The following CADM2 variants were observed in gnomAD, a reference collection of about 807,000 sequenced individuals.
CADM2 encodes cell adhesion molecule 2.
A neutral mutation model predicts 49.8 loss-of-function variants in CADM2; 12 were observed. The observed-to-expected ratio is 0.24, with a 90% confidence interval of 0.15 to 0.39. CADM2 has a LOEUF of 0.39. Among genes scored for constraint, CADM2 ranks in the 10% least tolerant of loss-of-function variants. The pLI, the probability that CADM2 is intolerant of heterozygous loss-of-function variation, is 1.00. For synonymous variants in CADM2, 214 were observed against 175.4 expected (o/e 1.22, Z -1.74); for missense variants, 378 against 492.3 (o/e 0.77, Z 2.20).
At chr3:85,437,504 T>G (rs1191810582) in intron 1 of CADM2, among the ~76,000 whole-genome samples, 1 of 152,140 alleles carries the variant, frequency 6.6e-6, no homozygotes, top group African/African-American at 2.4e-5. Context: ...CATATTCTTA[T>G]CAGCATTTTG....
At chr3:85,955,847 A>G (rs1723991137) in intron 7 of CADM2, among the ~76,000 whole-genome samples, 1 of 151,624 alleles carries the variant, frequency 6.6e-6, no homozygotes, top group Non-Finnish European at 1.5e-5. Context: ...ATTGAAAACA[A>G]CTTCATCAAT....
At chr3:85,815,109 C>G (rs922471335) in intron 3 of CADM2, among the ~76,000 whole-genome samples, 2 of 151,964 alleles carry the variant, frequency 1.3e-5, no homozygotes, top group African/African-American at 4.8e-5. Flanking sequence ...AATGGATAGC[C>G]TACAAACTGA....
At chr3:85,802,733 C>T (rs2072129307) in intron 3 of CADM2, among the ~76,000 whole-genome samples, 4 of 152,072 alleles carry the variant, frequency 2.6e-5, no homozygotes, top group African/African-American at 9.7e-5. Context: ...AATTGGACTT[C>T]ATTAACTAAT....
intron 1 of CADM2, among the ~76,000 whole-genome samples, chr3:85,571,904 C>T (rs2062490737): frequency 6.6e-6 from 1 of 152,154 alleles, no homozygotes; most frequent in Non-Finnish European, 1.5e-5. Flanking sequence ...TCATGGTATA[C>T]AATGTGCTTT....
rs562323138 is a variant in CADM2, at chr3:85,276,620, T to A, written c.61+316952T>A. On this transcript the variant is annotated intron_variant, in intron 1 of 9. Transcript: ENST00000383699. The stretch of plus-strand genomic sequence containing the variant: ...ACTAAAAATCACGATACTATTAGGC[T>A]AATGTAAATGTAAGTAATATAAATG... Among the ~76,000 whole-genome samples the A allele has an allele frequency of 4.2e-4, 64 of 151,354 alleles. No individual in the cohort carries two copies. The South Asian group carries it at 0.013, about 31-fold the overall frequency.
At chr3:85,530,223 G>A (rs965146642) in intron 1 of CADM2, among the ~76,000 whole-genome samples, 3 of 151,308 alleles carry the variant, frequency 2.0e-5, no homozygotes, top group Non-Finnish European at 4.4e-5. Flanking sequence ...CGCCACATAA[G>A]ACATGTCTCT....
At position 85,582,989 on chromosome 3, in the gene CADM2, G is replaced by A. The variant is rs1022633276; in HGVS notation, c.62-143533G>A. 2.0e-5 allele frequency among the ~76,000 whole-genome samples: 3 copies of A among 152,224 alleles called. No individual in the cohort carries two copies. The East Asian group carries it at 5.8e-4, about 29-fold the overall frequency. ...CCCCAAAAAAGAAAAAAGGTGTTTA[G>A]GACTGAAAGAGATAAATTACTTATG... On this transcript the variant is annotated intron_variant, in intron 1 of 9. Coordinates refer to ENST00000383699, the MANE Select transcript of CADM2 (RefSeq NM_001167675.2).
intron 1 of CADM2, among the ~76,000 whole-genome samples, chr3:85,203,504 T>C (rs1405636947): frequency 6.6e-6 from 1 of 152,086 alleles, no homozygotes; most frequent in Non-Finnish European, 1.5e-5. Context: ...TCTAAAAAAG[T>C]TACAATAATA....
intron 1 of CADM2, among the ~76,000 whole-genome samples, chr3:85,596,507 A>G (rs899828263): frequency 3.3e-5 from 5 of 152,106 alleles, no homozygotes; most frequent in Non-Finnish European, 4.4e-5. Context: ...GCATATAATT[A>G]ATGTGTGCAA....
chr3:85,812,501 A>G (rs1301184320), intron 3 of CADM2, among the ~76,000 whole-genome samples: 2 of 152,142 alleles, frequency 1.3e-5, no homozygotes, highest in African/African-American at 2.4e-5. Context: ...CAGCACAGGC[A>G]TCATGATAAT....
At chr3:84,976,401 TTTAAA>T (rs1427038885) in intron 1 of CADM2, among the ~76,000 whole-genome samples, 1 of 149,774 alleles carries the variant, frequency 6.7e-6, no homozygotes, top group Non-Finnish European at 1.5e-5. Context: ...TATGTCATAC[TTTAAA>T]TAAATTAAAT....
chr3:85,070,991 T>C (rs1351486794), intron 1 of CADM2, among the ~76,000 whole-genome samples: 1 of 147,014 alleles, frequency 6.8e-6, no homozygotes, highest in African/African-American at 2.5e-5. Context: ...TCTGTCTCAA[T>C]AAATAAATAA....
At chr3:85,364,435 G>A (rs2032594860) in intron 1 of CADM2, among the ~76,000 whole-genome samples, 1 of 152,116 alleles carries the variant, frequency 6.6e-6, no homozygotes, top group Non-Finnish European at 1.5e-5. Flanking sequence ...GTAGAATTAT[G>A]TCACAGGGAA....
intron 6 of CADM2, among the ~76,000 whole-genome samples, chr3:85,914,905 G>A (rs1013053606): frequency 2.0e-5 from 3 of 152,128 alleles, no homozygotes; most frequent in South Asian, 2.1e-4. Flanking sequence ...TTGTAGGTTT[G>A]CTATTATAAA....
At chr3:85,609,261 C>A (rs1341546532) in intron 1 of CADM2, among the ~76,000 whole-genome samples, 1 of 152,086 alleles carries the variant, frequency 6.6e-6, no homozygotes, top group East Asian at 1.9e-4. Flanking sequence ...GCATGACATG[C>A]ACCTGTCTAG....
intron 8 of CADM2, among the ~76,000 whole-genome samples, chr3:86,031,588 G>A (rs181552151): frequency 6.6e-6 from 1 of 151,776 alleles, no homozygotes; most frequent in Non-Finnish European, 1.5e-5. Flanking sequence ...AACTACATAG[G>A]TTTATTTTTG....
intron 2 of CADM2, among the ~76,000 whole-genome samples, chr3:85,752,340 G>A (rs1456509409): frequency 6.6e-6 from 1 of 152,096 alleles, no homozygotes; most frequent in Non-Finnish European, 1.5e-5. Context: ...GAAACAGGTA[G>A]AGAAGGATCA....
chr3:85,943,158 C>G (rs1337125649), intron 7 of CADM2, among the ~76,000 whole-genome samples: 1 of 143,950 alleles, frequency 6.9e-6, no homozygotes, highest in Non-Finnish European at 1.5e-5. Context: ...TGTTCATGTC[C>G]TTCACCCACT....
chr3:85,139,667 G>T (rs971412804), intron 1 of CADM2, among the ~76,000 whole-genome samples: 1 of 152,036 alleles, frequency 6.6e-6, no homozygotes, highest in East Asian at 1.9e-4. Context: ...ATGAAAAAAA[G>T]CCATGTAATA....
Sources: allele counts gnomAD v4.1 joint callset (sites outside exome capture counted in the v4.1 genomes callset), GRCh38; gene constraint gnomAD v4.1.1; transcripts MANE v1.5; gene names NCBI Gene and HGNC (gene_info 2026-07-23, HGNC 2026-07-21).